The following BBX variants were observed in gnomAD, a reference collection of about 807,000 sequenced individuals.
BBX encodes the protein BBX high mobility group box domain containing, also known as HMG box transcription factor BBX.
BBX carries 30 observed loss-of-function variants against 100.2 expected under a neutral mutation model. The ratio of observed to expected loss-of-function variants is 0.30; its 90% CI spans 0.22 to 0.41. The LOEUF is 0.41. Ranked by LOEUF, BBX falls within the 10% of genes least tolerant of loss-of-function variation. The pLI is 1.00. For missense variants in BBX, 1,023 were observed against 1,129.8 expected (o/e 0.91, Z 1.35); for synonymous variants, 376 against 388.1 (o/e 0.97, Z 0.37).
intron 3 of BBX, among the ~76,000 whole-genome samples, chr3:107,692,017 A>G (rs1421077979): frequency 6.6e-6 from 1 of 152,166 alleles, no homozygotes; most frequent in Non-Finnish European, 1.5e-5. Flanking sequence ...GTTATTCACC[A>G]TCTTTCTTAC....
intron 4 of BBX, among the ~76,000 whole-genome samples, chr3:107,713,306 T>C (rs2061851100): frequency 6.6e-6 from 1 of 152,182 alleles, no homozygotes; most frequent in Admixed American, 6.5e-5. Context: ...CATTTTTAAC[T>C]GGGTTTTCTA....
At chr3:107,620,814 C>A (rs1397326114) in intron 2 of BBX, among the ~76,000 whole-genome samples, 2 of 151,856 alleles carry the variant, frequency 1.3e-5, no homozygotes, top group South Asian at 4.2e-4. Context: ...GGGCAGTGGT[C>A]AAAATCCTGC....
intron 2 of BBX, among the ~76,000 whole-genome samples, chr3:107,531,492 G>C (rs901489288): frequency 6.6e-6 from 1 of 151,928 alleles, no homozygotes; most frequent in African/African-American, 2.4e-5. Flanking sequence ...CACAGTTAGC[G>C]CTCAATATAT....
At chr3:107,738,538 G>C (rs1049552296) in intron 7 of BBX, among the ~76,000 whole-genome samples, 2 of 152,146 alleles carry the variant, frequency 1.3e-5, no homozygotes, top group African/African-American at 4.8e-5. Flanking sequence ...TTTACCATTA[G>C]GTGAGGAAAC....
intron 3 of BBX, among the ~76,000 whole-genome samples, chr3:107,660,039 A>G (rs907697117): frequency 2.0e-5 from 3 of 152,154 alleles, no homozygotes; most frequent in Non-Finnish European, 4.4e-5. Context: ...AAAATCCTCA[A>G]GTACCACTTG....
chr3:107,561,616 T>A (rs1186658400), intron 2 of BBX, among the ~76,000 whole-genome samples: 3 of 152,194 alleles, frequency 2.0e-5, no homozygotes, highest in African/African-American at 7.2e-5. Context: ...TATTGCAGAA[T>A]AATTTTTACT....
At chr3:107,753,512 CT>C (rs2065236129) in intron 9 of BBX, among the ~76,000 whole-genome samples, 1 of 152,138 alleles carries the variant, frequency 6.6e-6, no homozygotes, top group African/African-American at 2.4e-5. Flanking sequence ...GAAAACTGTT[CT>C]TACTAAACCT....
chr3:107,749,370 T>G (rs2064882105), intron 9 of BBX, among the ~76,000 whole-genome samples: 1 of 152,262 alleles, frequency 6.6e-6, no homozygotes. Flanking sequence ...ATTTTTAATG[T>G]TGATGTCTGA....
rs2070439976 is a variant in BBX at position 107,801,306 on chromosome 3, A to G, written c.2738+25A>G. ...GGTTAGTGGTAGAAGGTGGAAGGAG[A>G]AAGCAACATGGAAACCAGATCAACC... On this transcript the variant is annotated intron_variant, in intron 17 of 17. Coordinates refer to ENST00000325805, the MANE Select transcript of BBX (RefSeq NM_001142568.3). The G allele has an allele frequency of 1.9e-6, 3 of 1,605,700 alleles. No homozygotes were observed. In the South Asian group the frequency reaches 3.3e-5, roughly 18 times the overall value.
chr3:107,617,961 T>C (rs970241066), intron 2 of BBX, among the ~76,000 whole-genome samples: 8 of 152,040 alleles, frequency 5.3e-5, no homozygotes, highest in African/African-American at 1.7e-4. Flanking sequence ...TGTTCCTGAT[T>C]TTAGGAAAAA....
At chr3:107,653,699 G>T (rs573388384) in intron 3 of BBX, among the ~76,000 whole-genome samples, 3 of 152,024 alleles carry the variant, frequency 2.0e-5, no homozygotes, top group Non-Finnish European at 4.4e-5. Flanking sequence ...ATTACCAAGC[G>T]TCTCCTTATG....
intron 4 of BBX, among the ~76,000 whole-genome samples, 192 bp downstream of exon 4, chr3:107,710,814 T>C (rs2061670739): frequency 6.6e-6 from 1 of 152,232 alleles, no homozygotes; most frequent in South Asian, 2.1e-4. Flanking sequence ...TTCCTAATAG[T>C]GTAGACTGAG....
chr3:107,543,216 C>T (rs1162285395), intron 2 of BBX, among the ~76,000 whole-genome samples: 1 of 152,118 alleles, frequency 6.6e-6, no homozygotes, highest in Non-Finnish European at 1.5e-5. Context: ...TATAATCTAT[C>T]ATTATAAATT....
At position 107,695,817 on chromosome 3, in the gene BBX, A is replaced by T. The variant is rs910868196; in HGVS notation, c.-9-14635A>T. ...GGGGTGTTAAAGTCTCCCATTATTA[A>T]TGTGTGGGAGTCTAAGTCTCTTTGT... is the stretch of plus-strand genomic sequence containing the variant. On this transcript the variant is annotated intron_variant, in intron 3 of 17. Transcript: ENST00000325805. 8.1e-4 allele frequency among the ~76,000 whole-genome samples: 123 copies of T among 151,432 alleles called. 2 individuals are homozygous for T. Among genetic ancestry groups the T allele is most frequent in the African/African-American group, 2.7e-3 (111 of 40,896 alleles).
intron 3 of BBX, among the ~76,000 whole-genome samples, chr3:107,669,025 A>G (rs1271746143): frequency 6.6e-6 from 1 of 152,082 alleles, no homozygotes; most frequent in Non-Finnish European, 1.5e-5. Flanking sequence ...ACCGTGGACA[A>G]TGTTAACTTC....
intron 2 of BBX, among the ~76,000 whole-genome samples, chr3:107,568,793 C>T (rs2051129954): frequency 6.6e-6 from 1 of 152,170 alleles, no homozygotes; most frequent in Admixed American, 6.5e-5. Flanking sequence ...TCTGATCAGT[C>T]TTATAGTTCA....
chr3:107,777,707 A>G (rs1448419959), intron 12 of BBX, among the ~76,000 whole-genome samples: 1 of 152,166 alleles, frequency 6.6e-6, no homozygotes, highest in Non-Finnish European at 1.5e-5. Context: ...AAGTTAAAGC[A>G]TGTTGCCTCT....
intron 2 of BBX, among the ~76,000 whole-genome samples, chr3:107,548,653 A>G (rs1057295347): frequency 1.3e-5 from 2 of 152,220 alleles, no homozygotes; most frequent in Admixed American, 6.5e-5. Context: ...CACACAAAGA[A>G]AAGTAATTTG....
intron 3 of BBX, among the ~76,000 whole-genome samples, chr3:107,666,414 G>T (rs138661058): frequency 7.2e-4 from 110 of 152,200 alleles, no homozygotes; most frequent in Non-Finnish European, 1.3e-3. Context: ...GCAACTTTTA[G>T]CATAAAATGA....
Sources: allele counts gnomAD v4.1 joint callset (sites outside exome capture counted in the v4.1 genomes callset), GRCh38; gene constraint gnomAD v4.1.1; transcripts MANE v1.5; gene names NCBI Gene and HGNC (gene_info 2026-07-23, HGNC 2026-07-21).